Variants in SATB1 observed in about 807,000 individuals in gnomAD.
The protein encoded by SATB1 is DNA-binding protein SATB1.
Under a neutral mutation model 86.9 loss-of-function variants are expected in SATB1, and 11 were observed. The ratio of observed to expected loss-of-function variants is 0.13; its 90% CI spans 0.08 to 0.21. SATB1 has a LOEUF of 0.21. Among genes scored for constraint, SATB1 ranks in the 10% least tolerant of loss-of-function variants. The probability of loss-of-function intolerance (pLI) is 1.00; values close to 1 mark genes in which losing one functional copy is unlikely to be tolerated. For synonymous variants in SATB1, 357 were observed against 357.2 expected (o/e 1.00, Z 0.01); for missense variants, 551 against 937.6 (o/e 0.59, Z 5.39).
In SATB1 at chr3:18,349,573, G is replaced by A. The variant is rs777236078; in HGVS notation, c.1889C>T (p.Thr630Met). The change falls in exon 11 of 11, where the codon ACG becomes ATG. Residue 630 changes from threonine (T) to methionine (M), a missense_variant. Coordinates refer to ENST00000338745, the MANE Select transcript of SATB1 (RefSeq NM_002971.6). The surrounding 1 kb of genome is among the most constrained non-coding windows in gnomAD (Gnocchi z 5.5). Reference protein sequence around the residue: ...TGPRLPPRQPTVASPAESDEE... With the variant: ...TGPRLPPRQPMVASPAESDEE... ...ATCTGACTCTGCTGGAGAGGCCACC[G>A]TGGGTTGCCGTGGGGGGAGCCGAGG... 9.9e-6 allele frequency: 16 copies of A among 1,613,872 alleles called. No individual in the cohort carries two copies. The highest frequency in any genetic ancestry group is 6.7e-5 in the East Asian group (3 of 44,882).
chr3:18,383,826 T>C (rs905276211), intron 8 of SATB1, among the ~76,000 whole-genome samples: 3 of 152,168 alleles, frequency 2.0e-5, no homozygotes, highest in Non-Finnish European at 4.4e-5. Context: ...ATACCTTTAA[T>C]ACCTTAAGAT....
At chr3:18,392,211 T>C (rs1696713311) in intron 7 of SATB1, among the ~76,000 whole-genome samples, 1 of 152,200 alleles carries the variant, frequency 6.6e-6, no homozygotes, top group Non-Finnish European at 1.5e-5. Flanking sequence ...AAAAAGTCAC[T>C]GTTTTTGATA....
At chr3:18,419,035 T>C (rs1303220667) in intron 2 of SATB1, among the ~76,000 whole-genome samples, 2 of 152,216 alleles carry the variant, frequency 1.3e-5, no homozygotes, top group African/African-American at 2.4e-5. Context: ...AGATGTATTC[T>C]ACAATATGCT....
Position 18,348,105 on chromosome 3 carries a change from C to T in SATB1, c.*1065G>A, listed in dbSNP as rs991718090. On this transcript the variant is annotated 3_prime_UTR_variant, in exon 11 of 11. Transcript: ENST00000338745. ...CATAAAAAAGAAATACACCTTTATACAGAAATTTTATACAGATGTAGCTTT... is the reference window on the plus strand; with the variant it reads ...CATAAAAAAGAAATACACCTTTATATAGAAATTTTATACAGATGTAGCTTT... The T allele has an allele frequency of 6.6e-6, 1 of 152,578 alleles. No homozygotes were observed. Among genetic ancestry groups the T allele is most frequent in the Non-Finnish European group, 1.5e-5 (1 of 68,016 alleles). The allele number at this position is 152,578 out of a possible 1,614,324, so 9.5% of individuals were successfully genotyped here.
Position 18,349,173 on chromosome 3 carries a change from G to A in SATB1, c.2289C>T (p.Asp763=). 1 of 1,612,700 alleles carries A rather than the reference G, an allele frequency of 6.2e-7. No homozygotes were observed. The highest frequency in any genetic ancestry group is 8.5e-7 in the Non-Finnish European group (1 of 1,179,214). ...GNTDINTDLK[D] ...GAACGAAACAAATACTTTTATCTCA[G>A]TCTTTCAAATCAGTATTAATGTCTG... The change falls in exon 11 of 11, where the codon GAC becomes GAT. Residue 763 remains aspartate (D), a synonymous_variant. Transcript: ENST00000338745. This position sits in a 1 kb window ranked among gnomAD's most constrained non-coding sequence, Gnocchi z 5.5.
intron 2 of SATB1, among the ~76,000 whole-genome samples, chr3:18,434,141 T>G (rs1698980316): frequency 6.6e-6 from 1 of 152,088 alleles, no homozygotes. Flanking sequence ...CATATTCACA[T>G]TATATTTAAT....
chr3:18,350,431 AGTATAT>A (rs1290208780), intron 10 of SATB1: 4 of 152,312 alleles, frequency 2.6e-5, no homozygotes, highest in East Asian at 1.9e-4. Flanking sequence ...TTTCATAATT[AGTATAT>A]GTATATGTGC....
At chr3:18,445,510 C>G in intron 1 of SATB1, 1 of 985,538 alleles carries the variant, frequency 1.0e-6, no homozygotes, top group South Asian at 4.7e-5. Flanking sequence ...CCAACCCTGC[C>G]CCCTCACCTC....
chr3:18,444,126 T>TG lies in SATB1; in HGVS notation c.-25+1391dup, dbSNP rs1394784469. Among the ~76,000 whole-genome samples, 1 of 151,928 alleles carries TG rather than the reference T, an allele frequency of 6.6e-6. No homozygotes were observed. Among genetic ancestry groups the TG allele is most frequent in the African/African-American group, 2.4e-5 (1 of 41,356 alleles). On this transcript the variant is annotated intron_variant, in intron 1 of 3. Coordinates refer to the SATB1 transcript ENST00000415069. This position sits in a 1 kb window ranked among gnomAD's most constrained non-coding sequence, Gnocchi z 5.1. Reference sequence around the variant, plus strand: ...GATGCTGAGCAGACTCGCGATCCGGTGGGGGAACATTACCACTCCCGCAGC... The same window carrying TG: ...GATGCTGAGCAGACTCGCGATCCGGTGGGGGGAACATTACCACTCCCGCAGC...
chr3:18,380,339 T>C (rs1248134691), intron 8 of SATB1, among the ~76,000 whole-genome samples: 2 of 152,206 alleles, frequency 1.3e-5, no homozygotes, highest in African/African-American at 4.8e-5. Flanking sequence ...GTAATTTTCA[T>C]TATTTTGTAA....
chr3:18,365,146 T>C lies in SATB1; in HGVS notation c.1576-12951A>G, dbSNP rs554755622. Among the ~76,000 whole-genome samples the C allele has an allele frequency of 2.0e-5, 3 of 152,324 alleles. No individual in the cohort carries two copies. In the South Asian group the frequency reaches 6.2e-4, roughly 32 times the overall value. On this transcript the variant is annotated intron_variant, in intron 9 of 10. Coordinates refer to ENST00000338745, the MANE Select transcript of SATB1 (RefSeq NM_002971.6). Reference sequence around the variant, plus strand: ...ACAGCTTACAATTTTTGGTTTACAATTGCACTAGCACATATATACCTCATT... The same window carrying C: ...ACAGCTTACAATTTTTGGTTTACAACTGCACTAGCACATATATACCTCATT...
chr3:18,369,730 A>C (rs980426354), intron 9 of SATB1, among the ~76,000 whole-genome samples: 2 of 152,128 alleles, frequency 1.3e-5, no homozygotes, highest in African/African-American at 4.8e-5. Context: ...GGGAGGAAAA[A>C]GGAGGAGGAG....
At chr3:18,390,575 A>G (rs1261221050) in intron 7 of SATB1, among the ~76,000 whole-genome samples, 1 of 152,164 alleles carries the variant, frequency 6.6e-6, no homozygotes, top group Non-Finnish European at 1.5e-5. Context: ...CACTGTGAAG[A>G]ATTATAGAAA....
At chr3:18,372,646 T>C (rs9681343) in intron 9 of SATB1, among the ~76,000 whole-genome samples, 3,083 of 152,216 alleles carry the variant, frequency 0.02, 96 homozygotes, top group African/African-American at 0.07. Flanking sequence ...GAGGCAAGAA[T>C]CTCAAAAGAA....
upstream of SATB1, among the ~76,000 whole-genome samples, chr3:18,427,903 A>G (rs1698763951): frequency 6.6e-6 from 1 of 152,208 alleles, no homozygotes; most frequent in African/African-American, 2.4e-5. Context: ...CATAAGTAAA[A>G]TGGCACATAG....
intron 2 of SATB1, among the ~76,000 whole-genome samples, chr3:18,435,925 C>G (rs1699044161): frequency 6.6e-6 from 1 of 152,158 alleles, no homozygotes; most frequent in Non-Finnish European, 1.5e-5. Context: ...CAGTGCACCA[C>G]TTAAGAAATT....
chr3:18,437,402 C>A (rs980430640), intron 1 of SATB1, among the ~76,000 whole-genome samples: 3 of 152,100 alleles, frequency 2.0e-5, no homozygotes, highest in African/African-American at 7.2e-5. Flanking sequence ...TGAACCAAAA[C>A]CCTGACTCCA....
chr3:18,351,966 T>C (rs1575075881), intron 10 of SATB1, 26 bp downstream of exon 10: 3 of 1,608,962 alleles, frequency 1.9e-6, no homozygotes, highest in East Asian at 2.2e-5. Context: ...CTTATTGCTA[T>C]ACTGAATTGG....
At chr3:18,397,364 T>C in intron 5 of SATB1, 74 bp from the exon 6 acceptor site, 17 of 889,666 alleles carry the variant, frequency 1.9e-5, no homozygotes, top group South Asian at 1.4e-4. Context: ...ATCTCAATTG[T>C]GGCAACTGTA....
Sources: gnomAD v4.1 joint callset for allele counts (sites outside exome capture counted in the v4.1 genomes callset) on GRCh38, gnomAD v4.1.1 for gene constraint, Gnocchi (gnomAD v3.1) non-coding constraint, MANE v1.5 for transcripts, NCBI Gene and HGNC (gene_info 2026-07-23, HGNC 2026-07-21) for gene names.